The following ACER2 variants were observed in gnomAD, a reference collection of about 807,000 sequenced individuals.
The protein encoded by ACER2 is alkaline ceramidase 2, also known as alkCDase 2.
In ACER2, 26 loss-of-function variants were observed where a neutral mutation model predicts 34.7. The observed-to-expected ratio is 0.75, with a 90% CI of 0.55 to 1.04. The LOEUF (loss-of-function observed/expected upper bound fraction) is 1.04. ACER2 is among the 50% of genes least tolerant of loss of function. The pLI is 0.00. For synonymous variants in ACER2, 138 were observed against 132.1 expected (o/e 1.04, Z -0.31); for missense variants, 352 against 340.8 (o/e 1.03, Z -0.26).
At chr9:19,409,806 C>A (rs1830034105) in intron 1 of ACER2, 1 of 985,226 alleles carries the variant, frequency 1.0e-6, no homozygotes, top group Non-Finnish European at 1.2e-6. Flanking sequence ...TAATTCAACT[C>A]CCCCAGGACT....
At chr9:19,446,482 G>A in intron 5 of ACER2, 64 bp downstream of exon 5, 1 of 1,607,402 alleles carries the variant, frequency 6.2e-7, no homozygotes. Context: ...GTTGGGCTCT[G>A]TTCACCCTGC....
chr9:19,432,820 C>T (rs992872489), intron 3 of ACER2, among the ~76,000 whole-genome samples: 25 of 150,462 alleles, frequency 1.7e-4, no homozygotes, highest in Admixed American at 1.1e-3. Flanking sequence ...ACTCAAACTC[C>T]TGGGCTCAGG....
At chr9:19,414,278 C>A (rs991580565) in intron 1 of ACER2, among the ~76,000 whole-genome samples, 3 of 152,166 alleles carry the variant, frequency 2.0e-5, no homozygotes, top group Non-Finnish European at 4.4e-5. Context: ...GACAGACAAT[C>A]CACTCAGCCA....
chr9:19,442,837 CT>C (rs113229012), intron 4 of ACER2, among the ~76,000 whole-genome samples: 231 of 144,490 alleles, frequency 1.6e-3, no homozygotes, highest in Non-Finnish European at 1.7e-3. Context: ...CCAATAAATA[CT>C]TTTTTTTTTT....
In ACER2 at chr9:19,435,005, G is replaced by A. The variant is rs1471434547; in HGVS notation, c.424G>A (p.Val142Ile). 3.1e-6 allele frequency: 5 copies of A among 1,614,174 alleles called. No homozygotes were observed. The highest frequency in any genetic ancestry group is 2.5e-6 in the Non-Finnish European group (3 of 1,180,034). Residue 142 changes from valine to isoleucine, a missense_variant, in exon 4 of 6, where the codon GTC (valine) becomes ATC (isoleucine). Val to Ile is a conservative substitution (Grantham distance 29, BLOSUM62 3). Coordinates refer to ENST00000340967, the MANE Select transcript of ACER2 (RefSeq NM_001010887.3). Reference sequence around the variant, plus strand: ...TGCGGTTACGACGTGCCTGGCATTTGTCAAGCCTGCCATCAACAACATCTC... The same window carrying A: ...TGCGGTTACGACGTGCCTGGCATTTATCAAGCCTGCCATCAACAACATCTC... ...LSAVTTCLAF[V>I]KPAINNISLM...
chr9:19,413,420 G>A (rs1425200642), intron 1 of ACER2, among the ~76,000 whole-genome samples: 2 of 152,076 alleles, frequency 1.3e-5, no homozygotes, highest in Non-Finnish European at 1.5e-5. Context: ...CCAACACGGC[G>A]AAACCCCATC....
chr9:19,422,834 C>G (rs1173309282), intron 1 of ACER2, among the ~76,000 whole-genome samples: 4 of 151,880 alleles, frequency 2.6e-5, no homozygotes, highest in African/African-American at 7.3e-5. Flanking sequence ...GAGTTTGAGA[C>G]CAGCCTGGCC....
intron 4 of ACER2, among the ~76,000 whole-genome samples, chr9:19,442,304 C>G (rs1028436715): frequency 1.3e-5 from 2 of 152,148 alleles, no homozygotes; most frequent in African/African-American, 4.8e-5. Context: ...AGAATAAGGT[C>G]CTGCTGTACA....
chr9:19,445,552 T>C (rs1831326419), intron 4 of ACER2, among the ~76,000 whole-genome samples: 1 of 152,222 alleles, frequency 6.6e-6, no homozygotes, highest in South Asian at 2.1e-4. Flanking sequence ...AAAGGCTTAC[T>C]GAGTGACATT....
intron 3 of ACER2, among the ~76,000 whole-genome samples, chr9:19,433,876 C>A (rs966200643): frequency 2.0e-4 from 31 of 151,916 alleles, no homozygotes; most frequent in Non-Finnish European, 4.1e-4. Context: ...AGGTGCCCCT[C>A]ACCTCCCGGA....
chr9:19,412,562 G>A (rs1830115741), intron 1 of ACER2, among the ~76,000 whole-genome samples: 1 of 149,754 alleles, frequency 6.7e-6, no homozygotes, highest in Admixed American at 6.8e-5. Context: ...GGCTGAGGCA[G>A]AAGAATAGCT....
At chr9:19,434,846 A>G (rs1830908433) in intron 3 of ACER2, 101 bp from the exon 4 acceptor site, 2 of 1,467,686 alleles carry the variant, frequency 1.4e-6, no homozygotes, top group Non-Finnish European at 1.9e-6. Context: ...ATTTCTTTTC[A>G]GCTTGTATTT....
At chr9:19,441,121 C>A (rs1408108701) in intron 4 of ACER2, among the ~76,000 whole-genome samples, 1 of 150,944 alleles carries the variant, frequency 6.6e-6, no homozygotes, top group Non-Finnish European at 1.5e-5. Flanking sequence ...GATCTCACAG[C>A]TCACTGCAAC....
chr9:19,424,976 C>A, intron 3 of ACER2, 135 bp downstream of exon 3: 1 of 1,162,610 alleles, frequency 8.6e-7, no homozygotes, highest in Non-Finnish European at 1.2e-6. Flanking sequence ...TCAATATCTA[C>A]TGATTGTTTT....
chr9:19,414,667 A>G (rs908519382), intron 1 of ACER2, among the ~76,000 whole-genome samples: 11 of 152,088 alleles, frequency 7.2e-5, no homozygotes, highest in Non-Finnish European at 1.6e-4. Flanking sequence ...GCTGGACATG[A>G]TGGCACATGC....
intron 4 of ACER2, among the ~76,000 whole-genome samples, chr9:19,442,429 G>C (rs553746975): frequency 2.0e-5 from 3 of 152,214 alleles, no homozygotes; most frequent in African/African-American, 4.8e-5. Context: ...TGCAAATAAG[G>C]CTGGTCAGCA....
rs1830496257 is a variant in ACER2, at chr9:19,424,321, C to CTTGT, written c.223+345_223+346insTTGT. On this transcript the variant is annotated intron_variant, in intron 2 of 5. Coordinates refer to ENST00000340967, the MANE Select transcript of ACER2 (RefSeq NM_001010887.3). ...AAGAAAAAAATGTAGATGTTTGATC[C>CTTGT]CTCATTGTTTTGTGAAATACTTGTG... is the stretch of plus-strand genomic sequence containing the variant. 4.2e-6 allele frequency: 4 copies of CTTGT among 953,850 alleles called. No homozygotes were observed. In the African/African-American group the frequency reaches 7.1e-5, roughly 17 times the overall value. The allele number at this position is 953,850 out of a possible 1,614,324, so 59.1% of individuals were successfully genotyped here. A position where few individuals can be genotyped will look rare whatever the true frequency, so the allele number is the denominator to read the frequency against.
At position 19,448,829 on chromosome 9, in the gene ACER2, T is replaced by C. The variant is rs534956069; in HGVS notation, c.642-1621T>C. 2.6e-5 allele frequency among the ~76,000 whole-genome samples: 4 copies of C among 152,326 alleles called. No homozygotes were observed. In the South Asian group the frequency reaches 8.3e-4, roughly 32 times the overall value. On this transcript the variant is annotated intron_variant, in intron 5 of 5. Coordinates refer to ENST00000340967, the MANE Select transcript of ACER2 (RefSeq NM_001010887.3). ...TTTTAATTTTCTTTGTCTGGTCTAT[T>C]GAGTGTTTCTATTTTTAAAAGTTCA...
rs375766279 is a variant in ACER2 at position 19,450,519 on chromosome 9, G to A, written c.711G>A (p.Glu237=). The change falls in exon 6 of 6, where the codon GAG becomes GAA. Residue 237 remains glutamate, a synonymous_variant. Coordinates refer to ENST00000340967, the MANE Select transcript of ACER2 (RefSeq NM_001010887.3). The part of the protein sequence containing the change: ...VCFAYFDAAS[E]IPEQGPVIKF... The stretch of plus-strand genomic sequence containing the variant: ...TTGCCTACTTTGATGCTGCCTCAGA[G>A]ATTCCTGAGCAAGGCCCTGTCATCA... The A allele has an allele frequency of 6.8e-6, 11 of 1,612,460 alleles. No homozygotes were observed. Among genetic ancestry groups the A allele is most frequent in the Non-Finnish European group, 9.3e-6 (11 of 1,178,696 alleles).
Sources: gnomAD v4.1 joint callset for allele counts (sites outside exome capture counted in the v4.1 genomes callset) on GRCh38, gnomAD v4.1.1 for gene constraint, MANE v1.5 for transcripts, NCBI Gene and HGNC (gene_info 2026-07-23, HGNC 2026-07-21) for gene names.